Variants in ATP1B3 observed in about 807,000 individuals in gnomAD.
ATP1B3 encodes sodium/potassium-transporting ATPase subunit beta-3.
ATP1B3 carries 10 observed loss-of-function variants against 30.2 expected under a neutral mutation model. That is an observed-to-expected ratio of 0.33 (90% CI 0.20 to 0.56). ATP1B3 has a LOEUF of 0.56. ATP1B3 is among the 20% of genes least tolerant of loss of function. The probability of loss-of-function intolerance (pLI) is 0.90; values close to 1 mark genes in which losing one functional copy is unlikely to be tolerated. For synonymous variants in ATP1B3, 113 were observed against 117.0 expected (o/e 0.97, Z 0.22); for missense variants, 238 against 336.7 (o/e 0.71, Z 2.29).
At chr3:141,908,068 C>CTTTTTTTTTTTTTTTTTTTTTT (rs56374653) in intron 3 of ATP1B3, among the ~76,000 whole-genome samples, 4 of 109,212 alleles carry the variant, frequency 3.7e-5, no homozygotes, top group Admixed American at 1.0e-4. Context: ...GCCAGGCATT[C>CTTTTTTTTTTTTTTTTTTTTTT]TTTTTTTTTT....
chr3:141,912,750 CTG>C (rs1029593421), intron 3 of ATP1B3, among the ~76,000 whole-genome samples: 4 of 152,176 alleles, frequency 2.6e-5, no homozygotes, highest in Non-Finnish European at 5.9e-5. Flanking sequence ...GGGCTAAACA[CTG>C]TGCCAAGTAC....
intron 1 of ATP1B3, among the ~76,000 whole-genome samples, chr3:141,877,721 T>C (rs1430711073): frequency 1.3e-5 from 2 of 152,110 alleles, no homozygotes; most frequent in African/African-American, 4.8e-5. Flanking sequence ...GCAGATTTTT[T>C]CTATGCGTGA....
chr3:141,891,764 T>C (rs4683644), intron 1 of ATP1B3, among the ~76,000 whole-genome samples: 16,332 of 152,132 alleles, frequency 0.11, 1,073 homozygotes, highest in Middle Eastern at 0.16. Context: ...TGAGTTCTGC[T>C]CTGATTACAT....
intron 5 of ATP1B3, among the ~76,000 whole-genome samples, chr3:141,917,104 C>T (rs1301890070): frequency 2.0e-5 from 3 of 150,886 alleles, no homozygotes; most frequent in African/African-American, 4.9e-5. Flanking sequence ...CTGCCCGCCT[C>T]GGCCTCTCAA....
rs10222455 is a variant in ATP1B3 at position 141,904,300 on chromosome 3, G to A, written c.238+552G>A. On this transcript the variant is annotated intron_variant, in intron 2 of 6. Coordinates refer to ENST00000286371, the MANE Select transcript of ATP1B3 (RefSeq NM_001679.4). The stretch of plus-strand genomic sequence containing the variant: ...TGAGTGGGTTTGTTTTGTTTGTTTC[G>A]GTTTCTTTTTTTTTTTGTCAGAAGT... Among the ~76,000 whole-genome samples the A allele has an allele frequency of 6.9e-3, 1,019 of 148,370 alleles. 7 individuals are homozygous for A. Among genetic ancestry groups the A allele is most frequent in the Middle Eastern group, 0.014 (4 of 286 alleles).
chr3:141,889,750 A>ATATATAT lies in ATP1B3; in HGVS notation c.109+12840_109+12841insTATATAT, dbSNP rs56393829. On this transcript the variant is annotated intron_variant, in intron 1 of 6. Transcript: ENST00000286371. ...TCTCAAAAAAAAAAAAAAAAAAAAAAATATATACACACACACACACACACA... is the reference window on the plus strand; with the variant it reads ...TCTCAAAAAAAAAAAAAAAAAAAAAATATATATATATATACACACACACACACACACA... Among the ~76,000 whole-genome samples, 57 of 79,086 alleles carry ATATATAT rather than the reference A, an allele frequency of 7.2e-4. 2 individuals are homozygous for ATATATAT. The highest frequency in any genetic ancestry group is 1.9e-3 in the African/African-American group (40 of 21,072). The allele number at this position is 79,086 out of a possible 152,430, so 51.9% of individuals were successfully genotyped here.
chr3:141,920,554 A>T (rs1934548910), intron 5 of ATP1B3, among the ~76,000 whole-genome samples: 1 of 151,932 alleles, frequency 6.6e-6, no homozygotes, highest in Non-Finnish European at 1.5e-5. Flanking sequence ...AAAAAGAAAC[A>T]TACTCCAAGA....
chr3:141,902,465 A>C (rs954353308), intron 1 of ATP1B3, among the ~76,000 whole-genome samples: 1 of 152,204 alleles, frequency 6.6e-6, no homozygotes, highest in African/African-American at 2.4e-5. Flanking sequence ...ATTATTACAG[A>C]AATGAATCTT....
chr3:141,924,250 A>G (rs1325919823), intron 6 of ATP1B3, among the ~76,000 whole-genome samples: 2 of 151,562 alleles, frequency 1.3e-5, no homozygotes, highest in African/African-American at 2.4e-5. Context: ...AGGCTGAGGC[A>G]GGAGAATCAC....
rs142168448 is a variant in ATP1B3, at chr3:141,886,232, A to T, written c.109+9322A>T. On this transcript the variant is annotated intron_variant, in intron 1 of 6. Transcript: ENST00000286371. ...TTTCCCACCTTGCCCACACCCCATT[A>T]TGCACCCTATGTTGTAGCTACACGG... 5.3e-5 allele frequency among the ~76,000 whole-genome samples: 8 copies of T among 152,126 alleles called. No individual in the cohort carries two copies. In the East Asian group the frequency reaches 1.4e-3, roughly 26 times the overall value.
At chr3:141,901,469 T>A (rs1934162597) in intron 1 of ATP1B3, among the ~76,000 whole-genome samples, 1 of 152,240 alleles carries the variant, frequency 6.6e-6, no homozygotes, top group Non-Finnish European at 1.5e-5. Flanking sequence ...TAGATTTGGT[T>A]CTTGGCAGAA....
At chr3:141,924,358 G>T (rs1357676884) in intron 6 of ATP1B3, among the ~76,000 whole-genome samples, 2 of 141,058 alleles carry the variant, frequency 1.4e-5, no homozygotes, top group Non-Finnish European at 3.1e-5. Flanking sequence ...AAAAAAAAAG[G>T]CCAGGTGCAG....
At chr3:141,889,341 A>G (rs1486871871) in intron 1 of ATP1B3, among the ~76,000 whole-genome samples, 2 of 152,180 alleles carry the variant, frequency 1.3e-5, no homozygotes, top group African/African-American at 2.4e-5. Flanking sequence ...AATTGTTTCC[A>G]ATTTTTATCT....
At position 141,913,732 on chromosome 3, in the gene ATP1B3, G is replaced by A. The variant is rs753632009; in HGVS notation, c.427G>A (p.Ala143Thr). 1 of 1,613,926 alleles carries A rather than the reference G, an allele frequency of 6.2e-7. No homozygotes were observed. Among genetic ancestry groups the A allele is most frequent in the South Asian group, 1.1e-5 (1 of 91,074 alleles). Residue 143 changes from alanine (A) to threonine (T), a missense_variant, in exon 4 of 7, where the codon GCA (alanine) becomes ACA (threonine). Ala to Thr is a moderately conservative substitution (Grantham distance 58). Transcript: ENST00000286371. ...TGAACAGAAGGGTCCAGTTTATGTTGCATGTCAGTTTCCTATTTCATTACT... is the reference window on the plus strand; with the variant it reads ...TGAACAGAAGGGTCCAGTTTATGTTACATGTCAGTTTCCTATTTCATTACT... Reference protein sequence around the residue: ...LFEQKGPVYVACQFPISLLQA... With the variant: ...LFEQKGPVYVTCQFPISLLQA...
At chr3:141,889,164 G>GC (rs1243564304) in intron 1 of ATP1B3, among the ~76,000 whole-genome samples, 1 of 152,054 alleles carries the variant, frequency 6.6e-6, no homozygotes, top group African/African-American at 2.4e-5. Flanking sequence ...GGAGAAGTCT[G>GC]CCCCCCATGA....
chr3:141,889,818 TATATACATATAC>T (rs1180618584), intron 1 of ATP1B3, among the ~76,000 whole-genome samples: 7 of 144,314 alleles, frequency 4.9e-5, no homozygotes, highest in Non-Finnish European at 1.1e-4. Flanking sequence ...TATATGTGTG[TATATACATATAC>T]ATATATATAT....
chr3:141,912,145 C>G (rs1934374076), intron 3 of ATP1B3, among the ~76,000 whole-genome samples: 1 of 152,154 alleles, frequency 6.6e-6, no homozygotes. Flanking sequence ...AGTACATAGT[C>G]CCACAGTAAC....
intron 1 of ATP1B3, among the ~76,000 whole-genome samples, chr3:141,887,713 A>G (rs913092643): frequency 6.6e-6 from 1 of 152,250 alleles, no homozygotes; most frequent in African/African-American, 2.4e-5. Context: ...ACAATGGAAT[A>G]CTACTCAATG....
At chr3:141,908,616 G>C (rs543695079) in intron 3 of ATP1B3, among the ~76,000 whole-genome samples, 169 of 152,328 alleles carry the variant, frequency 1.1e-3, no homozygotes, top group Middle Eastern at 0.01. Context: ...CCCCTGAGCA[G>C]ATACTGAGCA....
Sources: gnomAD v4.1 joint callset for allele counts (sites outside exome capture counted in the v4.1 genomes callset) on GRCh38, gnomAD v4.1.1 for gene constraint, MANE v1.5 for transcripts, NCBI Gene and HGNC (gene_info 2026-07-23, HGNC 2026-07-21) for gene names.